Variants in ZMIZ1 observed in about 807,000 individuals in gnomAD.
ZMIZ1 encodes zinc finger MIZ-type containing 1.
Under a neutral mutation model 113.9 loss-of-function variants are expected in ZMIZ1, and 17 were observed. The observed-to-expected ratio is 0.15, with a 90% CI of 0.10 to 0.22. The LOEUF is 0.22. Among genes scored for constraint, ZMIZ1 ranks in the 10% least tolerant of loss-of-function variants. ZMIZ1 has a pLI of 1.00. For missense variants in ZMIZ1, 1,059 were observed against 1,477.8 expected (o/e 0.72, Z 4.65); for synonymous variants, 607 against 603.1 (o/e 1.01, Z -0.09).
In ZMIZ1 at chr10:79,313,980, G is replaced by A. The variant is rs1013108061; in HGVS notation, c.*1231G>A. The A allele has an allele frequency of 2.7e-5, 12 of 450,348 alleles. No individual in the cohort carries two copies. The highest frequency in any genetic ancestry group is 4.9e-5 in the Non-Finnish European group (11 of 223,936). The allele number at this position is 450,348 out of a possible 1,614,324, so 27.9% of individuals were successfully genotyped here. On this transcript the variant is annotated 3_prime_UTR_variant, in exon 25 of 25. Transcript: ENST00000334512. Reference sequence around the variant, plus strand: ...CGGCTGCAGCCCAGGCCATGGACATGTGCACCAGTATGTACCTGCAGGCAT... The same window carrying A: ...CGGCTGCAGCCCAGGCCATGGACATATGCACCAGTATGTACCTGCAGGCAT...
At chr10:79,083,851 G>A (rs1842731312) in intron 1 of ZMIZ1, among the ~76,000 whole-genome samples, 1 of 152,212 alleles carries the variant, frequency 6.6e-6, no homozygotes, top group African/African-American at 2.4e-5. Flanking sequence ...CTGGGAGTCT[G>A]AGCCCTTCTC....
chr10:79,248,596 C>G (rs1204627454), intron 7 of ZMIZ1, among the ~76,000 whole-genome samples: 1 of 152,182 alleles, frequency 6.6e-6, no homozygotes, highest in Non-Finnish European at 1.5e-5. Flanking sequence ...CCTGCTGACG[C>G]AATGGAAAGC....
chr10:79,076,314 T>C (rs548466192), intron 1 of ZMIZ1, among the ~76,000 whole-genome samples: 1 of 152,262 alleles, frequency 6.6e-6, no homozygotes, highest in East Asian at 1.9e-4. Context: ...ACTCTTGAGC[T>C]CATTAATAAA....
intron 8 of ZMIZ1, among the ~76,000 whole-genome samples, chr10:79,282,156 AAGTCCTC>A (rs1318697904): frequency 1.3e-5 from 2 of 152,244 alleles, no homozygotes; most frequent in Admixed American, 1.3e-4. Flanking sequence ...AACACCTCAT[AAGTCCTC>A]AGTGCAATTT....
chr10:79,310,964 TACA>T lies in ZMIZ1; in HGVS notation c.2881_2883del (p.Gln961del). ...AGCTCTGACCAGCCCCACCCCTCCA[TACA>T]ACAAGGTTTGCACGTACCACACCCC... On this transcript the variant is annotated inframe_deletion, in exon 24 of 25. Transcript: ENST00000334512. 1 of 1,613,680 alleles carries T rather than the reference TACA, an allele frequency of 6.2e-7. No individual in the cohort carries two copies. The highest frequency in any genetic ancestry group is 8.5e-7 in the Non-Finnish European group (1 of 1,179,930).
intron 18 of ZMIZ1, among the ~76,000 whole-genome samples, chr10:79,303,074 A>G (rs1421569205): frequency 6.6e-6 from 1 of 151,796 alleles, no homozygotes; most frequent in Non-Finnish European, 1.5e-5. Flanking sequence ...GTTAGCCAGG[A>G]TGGTCACAAT....
chr10:79,082,973 G>T (rs956036610), intron 1 of ZMIZ1, among the ~76,000 whole-genome samples: 1 of 152,176 alleles, frequency 6.6e-6, no homozygotes, highest in Non-Finnish European at 1.5e-5. Flanking sequence ...CCCAAGGAAG[G>T]TGGATTCATG....
intron 8 of ZMIZ1, among the ~76,000 whole-genome samples, chr10:79,289,558 G>C (rs1385341795): frequency 6.6e-6 from 1 of 152,176 alleles, no homozygotes; most frequent in Admixed American, 6.5e-5. Context: ...TGCAGTGATC[G>C]GGGGAAAGGT....
chr10:79,149,208 C>T (rs553403552), intron 3 of ZMIZ1, among the ~76,000 whole-genome samples: 157 of 152,340 alleles, frequency 1.0e-3, no homozygotes, highest in Non-Finnish European at 1.7e-3. Context: ...CCCAGGCAGG[C>T]CCACACCCCC....
intron 2 of ZMIZ1, among the ~76,000 whole-genome samples, chr10:79,137,541 C>T (rs1845058346): frequency 2.0e-5 from 3 of 152,106 alleles, no homozygotes; most frequent in Non-Finnish European, 4.4e-5. Context: ...CGGGTGGGGC[C>T]GTGGGAAGCA....
intron 6 of ZMIZ1, among the ~76,000 whole-genome samples, chr10:79,208,720 G>T (rs1301552454): frequency 6.6e-6 from 1 of 152,216 alleles, no homozygotes; most frequent in Non-Finnish European, 1.5e-5. Context: ...CACTTTGCAG[G>T]TCACTGTTCC....
intron 6 of ZMIZ1, among the ~76,000 whole-genome samples, chr10:79,210,552 A>G (rs779415177): frequency 6.6e-6 from 1 of 152,160 alleles, no homozygotes; most frequent in Non-Finnish European, 1.5e-5. Flanking sequence ...CCTTGGGAGG[A>G]TGAGAGAGCA....
intron 1 of ZMIZ1, among the ~76,000 whole-genome samples, chr10:79,109,436 C>G (rs1460129715): frequency 6.6e-6 from 1 of 152,214 alleles, no homozygotes; most frequent in Non-Finnish European, 1.5e-5. Flanking sequence ...TCTCTGTCAT[C>G]GTAAATGAGT....
At chr10:79,214,992 G>A (rs1293417434) in intron 6 of ZMIZ1, among the ~76,000 whole-genome samples, 2 of 152,142 alleles carry the variant, frequency 1.3e-5, no homozygotes, top group African/African-American at 2.4e-5. Flanking sequence ...CCAGGGGACC[G>A]ATGGCCCTCC....
chr10:79,262,047 G>A (rs1430655706), intron 7 of ZMIZ1, among the ~76,000 whole-genome samples: 1 of 152,208 alleles, frequency 6.6e-6, no homozygotes, highest in Non-Finnish European at 1.5e-5. Context: ...ATCAGCGAAC[G>A]TTTGCCAAGC....
chr10:79,246,692 C>T (rs1257615649), intron 7 of ZMIZ1, among the ~76,000 whole-genome samples: 2 of 152,192 alleles, frequency 1.3e-5, no homozygotes, highest in East Asian at 1.9e-4. Context: ...CCCCAAGCCT[C>T]GGCTGCAGGA....
intron 7 of ZMIZ1, among the ~76,000 whole-genome samples, chr10:79,264,984 G>A (rs1171628540): frequency 1.3e-5 from 2 of 152,194 alleles, no homozygotes; most frequent in Non-Finnish European, 2.9e-5. Flanking sequence ...GTCTTATCCT[G>A]GGTCCATGCA....
Position 79,306,278 on chromosome 10 carries a change from G to C in ZMIZ1, c.2602G>C (p.Gly868Arg). The C allele has an allele frequency of 6.2e-7, 1 of 1,613,852 alleles. No homozygotes were observed. Residue 868 changes from glycine to arginine, a missense_variant, in exon 22 of 25, where the codon GGC becomes CGC. Transcript: ENST00000334512. ...GGAGATGATCGCAGCCCTGGGCCCC[G>C]GCCCGTCCCCCTATCCCCTCCCGCC... Reference protein sequence around the residue: ...VMEMIAALGPGPSPYPLPPPP... With the variant: ...VMEMIAALGPRPSPYPLPPPP...
chr10:79,292,001 G>A (rs1321766557), intron 10 of ZMIZ1, among the ~76,000 whole-genome samples, 157 bp from the exon 11 acceptor site: 3 of 152,188 alleles, frequency 2.0e-5, no homozygotes, highest in Non-Finnish European at 4.4e-5. Context: ...CCTGGTCGTT[G>A]CCAAGTGGCA....
Sources: gnomAD v4.1 joint callset for allele counts (sites outside exome capture counted in the v4.1 genomes callset) on GRCh38, gnomAD v4.1.1 for gene constraint, MANE v1.5 for transcripts, NCBI Gene and HGNC (gene_info 2026-07-23, HGNC 2026-07-21) for gene names.